CSMD1: variants seen among roughly 807,000 people sequenced by gnomAD.
The protein encoded by CSMD1 is CUB and Sushi multiple domains 1, also known as CUB and sushi domain-containing protein 1.
Under a neutral mutation model 417.5 loss-of-function variants are expected in CSMD1, and 213 were observed. The observed-to-expected ratio is 0.51, with a 90% CI of 0.46 to 0.57. CSMD1 has a LOEUF of 0.57. Ranked by LOEUF, CSMD1 falls within the 20% of genes least tolerant of loss-of-function variation. The pLI is 0.00. For missense variants in CSMD1, 6,923 were observed against 4,529.7 expected (o/e 1.53, Z -15.17); for synonymous variants, 2,862 against 1,736.8 (o/e 1.65, Z -16.11).
At chr8:3,716,026 T>C (rs1801810732) in intron 6 of CSMD1, among the ~76,000 whole-genome samples, 1 of 152,196 alleles carries the variant, frequency 6.6e-6, no homozygotes, top group Admixed American at 6.5e-5. Context: ...AATTTCTCTG[T>C]TGCTAAATAT....
At chr8:3,774,123 G>A (rs377594232) in intron 5 of CSMD1, among the ~76,000 whole-genome samples, 4 of 152,234 alleles carry the variant, frequency 2.6e-5, no homozygotes, top group Admixed American at 1.3e-4. Flanking sequence ...TTCCCTCTTA[G>A]GTTTGAGCAT....
At chr8:4,190,203 G>T (rs1798933947) in intron 3 of CSMD1, among the ~76,000 whole-genome samples, 1 of 146,768 alleles carries the variant, frequency 6.8e-6, no homozygotes, top group Non-Finnish European at 1.5e-5. Context: ...AGCTTGCAGT[G>T]AGCTGAGATC....
intron 2 of CSMD1, among the ~76,000 whole-genome samples, chr8:4,586,546 T>G (rs373420139): frequency 6.6e-6 from 1 of 152,070 alleles, no homozygotes; most frequent in East Asian, 1.9e-4. Flanking sequence ...AATCAATGTT[T>G]TTATGGACGT....
chr8:4,174,973 C>G (rs1299554466), intron 3 of CSMD1, among the ~76,000 whole-genome samples: 1 of 151,308 alleles, frequency 6.6e-6, no homozygotes. Context: ...ATTGATGGCT[C>G]TTTGAGATAC....
intron 1 of CSMD1, among the ~76,000 whole-genome samples, chr8:4,936,029 T>C (rs919087917): frequency 1.1e-4 from 16 of 152,130 alleles, no homozygotes; most frequent in Non-Finnish European, 1.8e-4. Context: ...GTGCAATGCA[T>C]TAGGGAGTGA....
intron 1 of CSMD1, among the ~76,000 whole-genome samples, chr8:4,650,394 C>T (rs1803820232): frequency 6.6e-6 from 1 of 150,438 alleles, no homozygotes; most frequent in Non-Finnish European, 1.5e-5. Flanking sequence ...CAATAGCTCC[C>T]TTAACGGATT....
intron 3 of CSMD1, among the ~76,000 whole-genome samples, chr8:4,088,840 A>C (rs1052048804): frequency 1.3e-5 from 2 of 152,012 alleles, no homozygotes; most frequent in African/African-American, 4.8e-5. Context: ...CTCTGGAATC[A>C]CTAGTCTCCT....
intron 12 of CSMD1, among the ~76,000 whole-genome samples, chr8:3,462,742 A>G (rs1230895830): frequency 1.3e-5 from 2 of 152,230 alleles, no homozygotes; most frequent in Non-Finnish European, 2.9e-5. Context: ...CTCCCAGTCC[A>G]TGGAAAAACT....
In CSMD1 at chr8:4,988,443, C is replaced by CA. The variant is rs552452473; in HGVS notation, c.85+5888dup. On this transcript the variant is annotated intron_variant, in intron 1 of 69. Transcript: ENST00000635120. ...AATAAAATACGTAAGTTATTTTTAA[C>CA]AAAAAAATATGCCTGCATGATCTTT... 3.4e-3 allele frequency among the ~76,000 whole-genome samples: 513 copies of CA among 152,176 alleles called. 3 individuals are homozygous for CA. Among genetic ancestry groups the CA allele is most frequent in the South Asian group, 5.6e-3 (27 of 4,824 alleles).
At chr8:4,256,488 G>A (rs539290859) in intron 3 of CSMD1, among the ~76,000 whole-genome samples, 2 of 152,306 alleles carry the variant, frequency 1.3e-5, no homozygotes, top group African/African-American at 2.4e-5. Context: ...GTAAAGGGAG[G>A]TTCTCAGTGA....
chr8:3,078,735 T>G (rs1183668046), intron 49 of CSMD1, among the ~76,000 whole-genome samples: 1 of 152,146 alleles, frequency 6.6e-6, no homozygotes, highest in Non-Finnish European at 1.5e-5. Flanking sequence ...AGTGTCTGAT[T>G]TCAGCTACCA....
intron 5 of CSMD1, among the ~76,000 whole-genome samples, chr8:3,862,116 T>A (rs887526426): frequency 2.0e-5 from 3 of 152,202 alleles, no homozygotes; most frequent in African/African-American, 7.2e-5. Context: ...TTTTTTCAAC[T>A]TTTTAATCTG....
intron 3 of CSMD1, among the ~76,000 whole-genome samples, chr8:4,363,787 T>C (rs959439122): frequency 1.3e-5 from 2 of 152,226 alleles, no homozygotes; most frequent in Non-Finnish European, 2.9e-5. Context: ...ACTATGTATA[T>C]GTATCTCATT....
intron 5 of CSMD1, among the ~76,000 whole-genome samples, chr8:3,935,219 A>G (rs1425645736): frequency 6.6e-6 from 1 of 152,216 alleles, no homozygotes; most frequent in African/African-American, 2.4e-5. Flanking sequence ...AACAGAACAA[A>G]TGGAAATCGT....
chr8:3,940,595 A>G (rs1311879759), intron 5 of CSMD1, among the ~76,000 whole-genome samples: 1 of 151,698 alleles, frequency 6.6e-6, no homozygotes, highest in Non-Finnish European at 1.5e-5. Context: ...AACAACAAAA[A>G]AGAACATATA....
intron 8 of CSMD1, among the ~76,000 whole-genome samples, chr8:3,606,775 A>T (rs1026648447): frequency 2.7e-5 from 4 of 148,658 alleles, no homozygotes; most frequent in Admixed American, 6.7e-5. Context: ...CAGTGGCGTG[A>T]TCTCCACTCA....
intron 2 of CSMD1, among the ~76,000 whole-genome samples, chr8:4,584,363 T>A (rs1735998041): frequency 6.6e-6 from 1 of 152,026 alleles, no homozygotes; most frequent in Non-Finnish European, 1.5e-5. Flanking sequence ...GTGAGTAGCA[T>A]CAGACCCCTT....
intron 3 of CSMD1, among the ~76,000 whole-genome samples, chr8:4,277,984 G>C (rs1392822256): frequency 2.6e-5 from 4 of 151,918 alleles, no homozygotes. Flanking sequence ...TCCTAACCTC[G>C]TGATTCGCCG....
At chr8:4,363,732 G>A (rs527352632) in intron 3 of CSMD1, among the ~76,000 whole-genome samples, 86 of 152,236 alleles carry the variant, frequency 5.6e-4, no homozygotes, top group African/African-American at 2.1e-3. Context: ...CACCCATGTT[G>A]TTGCAAAAGA....
Sources: gnomAD v4.1 joint callset for allele counts (sites outside exome capture counted in the v4.1 genomes callset) on GRCh38, gnomAD v4.1.1 for gene constraint, MANE v1.5 for transcripts, NCBI Gene and HGNC (gene_info 2026-07-23, HGNC 2026-07-21) for gene names.